The following B3GNT2 variants were observed in gnomAD, a reference collection of about 807,000 sequenced individuals.
B3GNT2 encodes UDP-GlcNAc:betaGal beta-1,3-N-acetylglucosaminyltransferase 2.
B3GNT2 carries 12 observed loss-of-function variants against 27.6 expected under a neutral mutation model. The observed-to-expected ratio is 0.44, with a 90% CI of 0.28 to 0.71. The LOEUF (loss-of-function observed/expected upper bound fraction) is 0.71, where lower values mean the gene tolerates loss of function less well. B3GNT2 is among the 30% of genes least tolerant of loss of function. The pLI, the probability that B3GNT2 is intolerant of heterozygous loss-of-function variation, is 0.17. For synonymous variants in B3GNT2, 192 were observed against 189.7 expected (o/e 1.01, Z -0.10); for missense variants, 413 against 488.5 (o/e 0.85, Z 1.46).
chr2:62,210,917 C>G (rs1221556584), intron 1 of B3GNT2, among the ~76,000 whole-genome samples: 1 of 152,096 alleles, frequency 6.6e-6, no homozygotes, highest in Non-Finnish European at 1.5e-5. Context: ...TAGCTTGATT[C>G]TATGCTAACT....
chr2:62,211,079 G>A (rs1431079190), intron 1 of B3GNT2, among the ~76,000 whole-genome samples: 1 of 152,180 alleles, frequency 6.6e-6, no homozygotes, highest in Non-Finnish European at 1.5e-5. Flanking sequence ...AAAGCAGTTG[G>A]GTGGGGTGGC....
chr2:62,205,309 A>G (rs1241058822), intron 1 of B3GNT2, among the ~76,000 whole-genome samples: 1 of 152,224 alleles, frequency 6.6e-6, no homozygotes, highest in Admixed American at 6.5e-5. Context: ...GGCCGGAGAA[A>G]GCTATGTTAC....
intron 1 of B3GNT2, among the ~76,000 whole-genome samples, chr2:62,206,168 G>C (rs2104191710): frequency 6.6e-6 from 1 of 152,278 alleles, no homozygotes; most frequent in East Asian, 1.9e-4. Flanking sequence ...TGGGGTTTTA[G>C]GGGTGGCCTG....
intron 1 of B3GNT2, among the ~76,000 whole-genome samples, chr2:62,203,508 C>G (rs1196559959): frequency 6.6e-6 from 1 of 152,016 alleles, no homozygotes; most frequent in Non-Finnish European, 1.5e-5. Context: ...GCAAGAGAAC[C>G]CTGGGGGTTC....
At chr2:62,216,972 G>T (rs1466282289) in intron 1 of B3GNT2, among the ~76,000 whole-genome samples, 1 of 152,184 alleles carries the variant, frequency 6.6e-6, no homozygotes, top group East Asian at 1.9e-4. Context: ...TCACTTGCTG[G>T]CTGGGAACCT....
intron 1 of B3GNT2, among the ~76,000 whole-genome samples, chr2:62,211,204 A>G (rs1194826966): frequency 1.3e-5 from 2 of 152,064 alleles, no homozygotes; most frequent in Non-Finnish European, 2.9e-5. Flanking sequence ...AAAAATACCA[A>G]AATTAGCCAG....
At chr2:62,211,176 C>CA (rs1668190607) in intron 1 of B3GNT2, among the ~76,000 whole-genome samples, 1 of 152,056 alleles carries the variant, frequency 6.6e-6, no homozygotes, top group Admixed American at 6.6e-5. Flanking sequence ...GGCGACATGG[C>CA]AAAACCCTGT....
intron 1 of B3GNT2, among the ~76,000 whole-genome samples, chr2:62,209,916 A>T (rs1022307380): frequency 6.6e-6 from 1 of 152,178 alleles, no homozygotes; most frequent in African/African-American, 2.4e-5. Flanking sequence ...TGAATAATCA[A>T]AACTGAGTCA....
rs1422187959 is a variant in B3GNT2 at position 62,224,729 on chromosome 2, T to C, written c.*1315T>C. Reference sequence around the variant, plus strand: ...AATGGAAATAAAGCCACTGTATTTTTAATTTTTTGTGTAATGTGTAATCTA... The same window carrying C: ...AATGGAAATAAAGCCACTGTATTTTCAATTTTTTGTGTAATGTGTAATCTA... On this transcript the variant is annotated 3_prime_UTR_variant, in exon 2 of 2. Transcript: ENST00000301998. 6.0e-6 allele frequency: 1 copy of C among 167,102 alleles called. No homozygotes were observed. The highest frequency in any genetic ancestry group is 2.4e-5 in the African/African-American group (1 of 41,464). The allele number at this position is 167,102 out of a possible 1,614,324, so 10.4% of individuals were successfully genotyped here. A position where few individuals can be genotyped will look rare whatever the true frequency, so the allele number is the denominator to read the frequency against.
At chr2:62,200,807 G>A (rs886350599) in intron 1 of B3GNT2, among the ~76,000 whole-genome samples, 2 of 152,114 alleles carry the variant, frequency 1.3e-5, no homozygotes, top group African/African-American at 4.8e-5. Context: ...TCATGTAAGT[G>A]GAATCAGTCA....
At position 62,222,859 on chromosome 2, in the gene B3GNT2, C is replaced by T; in HGVS notation, c.639C>T (p.Tyr213=). Residue 213 remains tyrosine (Y), a synonymous_variant, in exon 2 of 2, where the codon TAC becomes TAT. Transcript: ENST00000301998. The surrounding 1 kb of genome is among the most constrained non-coding windows in gnomAD (Gnocchi z 4.2). ...EKHQDILMWN[Y]RDTFFNLSLK... The stretch of plus-strand genomic sequence containing the variant: ...ACCAAGACATTCTTATGTGGAACTA[C>T]AGAGACACTTTCTTCAACTTGTCTC... 6.2e-7 allele frequency: 1 copy of T among 1,614,180 alleles called. No homozygotes were observed. The highest frequency in any genetic ancestry group is 1.1e-5 in the South Asian group (1 of 91,076).
intron 1 of B3GNT2, among the ~76,000 whole-genome samples, chr2:62,200,336 A>G (rs977299018): frequency 7.2e-5 from 11 of 152,362 alleles, no homozygotes; most frequent in Non-Finnish European, 1.5e-4. Context: ...GGAAATTCCC[A>G]GTAGCCAGGA....
In B3GNT2 at chr2:62,222,833, C is replaced by T. The variant is rs1379408690; in HGVS notation, c.613C>T (p.His205Tyr). ...TATGCTGAAATTTGAGAGTGAGAAG[C>T]ACCAAGACATTCTTATGTGGAACTA... is the stretch of plus-strand genomic sequence containing the variant. ...SDMLKFESEK[H>Y]QDILMWNYRD... Residue 205 changes from histidine to tyrosine, a missense_variant, in exon 2 of 2, where the codon CAC becomes TAC. Physicochemically the swap from His to Tyr is moderately conservative, Grantham distance 83. Coordinates refer to ENST00000301998, the MANE Select transcript of B3GNT2 (RefSeq NM_006577.6). This position sits in a 1 kb window ranked among gnomAD's most constrained non-coding sequence, Gnocchi z 4.2. 6.2e-7 allele frequency: 1 copy of T among 1,614,196 alleles called. No homozygotes were observed. Among genetic ancestry groups the T allele is most frequent in the Non-Finnish European group, 8.5e-7 (1 of 1,180,036 alleles).
intron 1 of B3GNT2, among the ~76,000 whole-genome samples, chr2:62,210,980 G>A (rs1420804004): frequency 6.6e-6 from 1 of 152,166 alleles, no homozygotes; most frequent in Non-Finnish European, 1.5e-5. Flanking sequence ...GAAGTAACCA[G>A]ATGATGATGT....
intron 1 of B3GNT2, among the ~76,000 whole-genome samples, chr2:62,219,516 C>A (rs1233944905): frequency 2.6e-5 from 4 of 152,180 alleles, no homozygotes; most frequent in Non-Finnish European, 4.4e-5. Flanking sequence ...CTCAAGTGAT[C>A]TGCCCACCTC....
chr2:62,199,773 A>G (rs1303722489), intron 1 of B3GNT2, among the ~76,000 whole-genome samples: 2 of 152,158 alleles, frequency 1.3e-5, no homozygotes, highest in Non-Finnish European at 2.9e-5. Context: ...CTTTTTCTCC[A>G]CTCTCTAAGG....
intron 1 of B3GNT2, among the ~76,000 whole-genome samples, chr2:62,221,434 A>C (rs1309517142): frequency 6.6e-6 from 1 of 152,166 alleles, no homozygotes; most frequent in African/African-American, 2.4e-5. Context: ...ACCTTGGGCA[A>C]GTGTCTTAAT....
At chr2:62,204,582 C>T (rs1336586545) in intron 1 of B3GNT2, among the ~76,000 whole-genome samples, 1 of 152,082 alleles carries the variant, frequency 6.6e-6, no homozygotes, top group Non-Finnish European at 1.5e-5. Flanking sequence ...TATATTTTTA[C>T]CTTTATTATT....
intron 1 of B3GNT2, among the ~76,000 whole-genome samples, chr2:62,206,792 A>G (rs1674383929): frequency 6.6e-6 from 1 of 152,162 alleles, no homozygotes; most frequent in African/African-American, 2.4e-5. Flanking sequence ...GTTCTCTCCA[A>G]GCTGCTACCC....
Sources: allele counts gnomAD v4.1 joint callset (sites outside exome capture counted in the v4.1 genomes callset), GRCh38; gene constraint gnomAD v4.1.1; non-coding constraint Gnocchi (gnomAD v3.1); transcripts MANE v1.5; gene names NCBI Gene and HGNC (gene_info 2026-07-23, HGNC 2026-07-21).